The following EMX1 variants were observed in gnomAD, a reference collection of about 807,000 sequenced individuals.
EMX1 encodes empty spiracles homeobox 1, also known as homeobox protein EMX1.
Under a neutral mutation model 20.1 loss-of-function variants are expected in EMX1, and 10 were observed. That is an observed-to-expected ratio of 0.50 (90% confidence interval 0.31 to 0.84). EMX1 has a LOEUF of 0.84. Among genes scored for constraint, EMX1 ranks in the 40% least tolerant of loss-of-function variants. EMX1 has a pLI of 0.05. For missense variants in EMX1, 424 were observed against 431.9 expected (o/e 0.98, Z 0.16); for synonymous variants, 250 against 200.4 (o/e 1.25, Z -2.09).
rs1001777544 is a variant in EMX1, at chr2:72,924,231, C to T, written c.521-78C>T. Reference sequence around the variant, plus strand: ...CTTGGGAGCAGGGCGCGAGGCCAGGCTCTGTTGGGCCCCGGCTCACGGCGC... The same window carrying T: ...CTTGGGAGCAGGGCGCGAGGCCAGGTTCTGTTGGGCCCCGGCTCACGGCGC... On this transcript the variant is annotated intron_variant, in intron 1 of 2. Transcript: ENST00000258106. The T allele has an allele frequency of 4.6e-6, 7 of 1,516,552 alleles. No individual in the cohort carries two copies. In the Admixed American group the frequency reaches 1.2e-4, roughly 26 times the overall value. The allele number at this position is 1,516,552 out of a possible 1,614,324, so 93.9% of individuals were successfully genotyped here.
Position 72,918,021 on chromosome 2 carries a change from G to C in EMX1, c.169G>C (p.Gly57Arg), listed in dbSNP as rs1048183564. 3 of 1,431,118 alleles carry C rather than the reference G, an allele frequency of 2.1e-6. No homozygotes were observed. Among genetic ancestry groups the C allele is most frequent in the Non-Finnish European group, 2.7e-6 (3 of 1,101,446 alleles). 88.7% of individuals were successfully genotyped at this position (1,431,118 alleles called of 1,614,324 possible). A position where few individuals can be genotyped will look rare whatever the true frequency, so the allele number is the denominator to read the frequency against. Reference protein sequence around the residue: ...SLVAKDGGTGGGTGGGGAGSH... With the variant: ...SLVAKDGGTGRGTGGGGAGSH... The stretch of plus-strand genomic sequence containing the variant: ...GGTGGCCAAGGACGGCGGCACCGGC[G>C]GGGGCACTGGCGGCGGGGGCGCGGG... Residue 57 changes from glycine (G) to arginine (R), a missense_variant, in exon 1 of 3, where the codon GGG becomes CGG. Coordinates refer to ENST00000258106, the MANE Select transcript of EMX1 (RefSeq NM_004097.3).
chr2:72,922,494 G>A (rs1671121645), intron 1 of EMX1, among the ~76,000 whole-genome samples: 3 of 152,194 alleles, frequency 2.0e-5, no homozygotes, highest in Non-Finnish European at 4.4e-5. Context: ...ATCAAATGGG[G>A]TGTCCCTCAC....
rs1237586102 is a variant in EMX1 at position 72,934,649 on chromosome 2, A to G, written c.*695A>G. On this transcript the variant is annotated 3_prime_UTR_variant, in exon 3 of 3. Coordinates refer to ENST00000258106, the MANE Select transcript of EMX1 (RefSeq NM_004097.3). ...GTGGGAATCAGGCCCAGGTAGTTCA[A>G]TGGGAGAGGGAGAGTGCTTCCCTCT... The G allele has an allele frequency of 1.3e-5, 2 of 152,198 alleles. No homozygotes were observed. Among genetic ancestry groups the G allele is most frequent in the African/African-American group, 2.4e-5 (1 of 41,414 alleles). 9.4% of individuals were successfully genotyped at this position (152,198 alleles called of 1,614,324 possible).
At chr2:72,919,322 TTA>T (rs1671059484) in intron 1 of EMX1, among the ~76,000 whole-genome samples, 1 of 152,206 alleles carries the variant, frequency 6.6e-6, no homozygotes, top group African/African-American at 2.4e-5. Context: ...TTCTTTTTTT[TTA>T]AATTTTATTT....
At chr2:72,924,766 A>T (rs1671166100) in intron 2 of EMX1, among the ~76,000 whole-genome samples, 1 of 152,188 alleles carries the variant, frequency 6.6e-6, no homozygotes, top group Non-Finnish European at 1.5e-5. Context: ...CGGCTCCCAA[A>T]GCTCCTCACG....
chr2:72,933,985 G>C lies in EMX1; in HGVS notation c.*31G>C. On this transcript the variant is annotated 3_prime_UTR_variant, in exon 3 of 3. Coordinates refer to ENST00000258106, the MANE Select transcript of EMX1 (RefSeq NM_004097.3). The stretch of plus-strand genomic sequence containing the variant: ...GCAACCACAAACCCACGAGGGCAGA[G>C]TGCTGCTTGCTGCTGGCCAGGCCCC... The C allele has an allele frequency of 6.2e-7, 1 of 1,613,406 alleles. No individual in the cohort carries two copies. The highest frequency in any genetic ancestry group is 2.2e-5 in the East Asian group (1 of 44,854).
intron 2 of EMX1, among the ~76,000 whole-genome samples, chr2:72,929,699 C>T (rs1671254112): frequency 6.6e-6 from 1 of 152,218 alleles, no homozygotes; most frequent in Non-Finnish European, 1.5e-5. Flanking sequence ...AGACCTCGTT[C>T]ATTCAGAATA....
rs1671187531 is a variant in EMX1, at chr2:72,925,573, C to A, written c.705+1080C>A. On this transcript the variant is annotated intron_variant, in intron 2 of 2. Coordinates refer to ENST00000258106, the MANE Select transcript of EMX1 (RefSeq NM_004097.3). ...CCGCGGTCTCCCAGCTACCTCCCGG[C>A]TGACTTTTCACCTTCCGCTCCCCTT... 1.6e-6 allele frequency: 2 copies of A among 1,285,460 alleles called. 1 individual carries two copies. The highest frequency in any genetic ancestry group is 2.0e-6 in the Non-Finnish European group (2 of 986,334). The allele number at this position is 1,285,460 out of a possible 1,614,324, so 79.6% of individuals were successfully genotyped here.
At chr2:72,923,717 A>G (rs781050882) in intron 1 of EMX1, 1 of 164,630 alleles carries the variant, frequency 6.1e-6, no homozygotes, top group African/African-American at 2.4e-5. Flanking sequence ...GACTAGTGCA[A>G]GCAGGTGTGA....
chr2:72,920,563 C>T (rs776684589), intron 1 of EMX1, among the ~76,000 whole-genome samples: 19 of 152,218 alleles, frequency 1.2e-4, no homozygotes, highest in Non-Finnish European at 1.8e-4. Context: ...CCCTCCGGCG[C>T]CGCGTTTTCT....
intron 2 of EMX1, among the ~76,000 whole-genome samples, chr2:72,926,906 G>A (rs1028096811): frequency 4.6e-5 from 7 of 151,918 alleles, no homozygotes; most frequent in Admixed American, 2.0e-4. Context: ...TTCTCTATCC[G>A]CCTCTTGGTA....
chr2:72,916,604 C>T (rs1670966219), upstream of EMX1: 4 of 662,018 alleles, frequency 6.0e-6, no homozygotes, highest in Admixed American at 6.6e-5. Flanking sequence ...TCCGCGGTTC[C>T]GCGGTCGCGG....
rs115829034 is a variant in EMX1, at chr2:72,934,108, G to C, written c.*154G>C. ...GGGCTTGAAGCCCGGGGCCGCCATT[G>C]ACAGAGGGACAAGCAATGGGCTGGC... is the stretch of plus-strand genomic sequence containing the variant. On this transcript the variant is annotated 3_prime_UTR_variant, in exon 3 of 3. Transcript: ENST00000258106. The C allele has an allele frequency of 2.0e-3, 2,160 of 1,079,142 alleles. 27 individuals are homozygous for C. In the African/African-American group the frequency reaches 0.031, roughly 15 times the overall value. 66.8% of individuals were successfully genotyped at this position (1,079,142 alleles called of 1,614,324 possible). A position where few individuals can be genotyped will look rare whatever the true frequency, so the allele number is the denominator to read the frequency against.
At chr2:72,916,429 C>T (rs1014645548), upstream of EMX1, 1 of 546,392 alleles carries the variant, frequency 1.8e-6, no homozygotes, top group Non-Finnish European at 3.3e-6. Context: ...AGGTCCCAGC[C>T]TCCCCACCGC....
chr2:72,916,346 A>C, upstream of EMX1: 1 of 340,456 alleles, frequency 2.9e-6, no homozygotes, highest in Non-Finnish European at 5.5e-6. Context: ...TCAGGCCGCT[A>C]GAATGGACCC....
chr2:72,922,921 C>T (rs1182516436), intron 1 of EMX1, among the ~76,000 whole-genome samples: 4 of 152,238 alleles, frequency 2.6e-5, no homozygotes, highest in African/African-American at 7.2e-5. Context: ...ATCAGTCAAT[C>T]CCAACAGCTA....
At chr2:72,916,918 G>A (rs1360095737), upstream of EMX1, 1 of 717,414 alleles carries the variant, frequency 1.4e-6, no homozygotes, top group African/African-American at 1.7e-5. Context: ...CCGCTCCGGC[G>A]GCTTCTCCCG....
intron 1 of EMX1, 141 bp downstream of exon 1, chr2:72,918,513 A>G (rs1671038757): frequency 4.1e-6 from 5 of 1,210,120 alleles, no homozygotes; most frequent in Non-Finnish European, 5.3e-6. Flanking sequence ...ATTCCCAGGC[A>G]GGGAAGAGCT....
chr2:72,931,727 C>T (rs1351290581), intron 2 of EMX1, among the ~76,000 whole-genome samples: 1 of 152,254 alleles, frequency 6.6e-6, no homozygotes, highest in Admixed American at 6.5e-5. Flanking sequence ...GGGGAGAATC[C>T]CCTTGCCCTC....
Sources: gnomAD v4.1 joint callset for allele counts (sites outside exome capture counted in the v4.1 genomes callset) on GRCh38, gnomAD v4.1.1 for gene constraint, MANE v1.5 for transcripts, NCBI Gene and HGNC (gene_info 2026-07-23, HGNC 2026-07-21) for gene names.